The following TANK variants were observed in gnomAD, a reference collection of about 807,000 sequenced individuals.
TANK encodes TRAF family member associated NFKB activator, also known as TRAF family member-associated NF-kappa-B activator.
Under a neutral mutation model 43.6 loss-of-function variants are expected in TANK, and 15 were observed. The observed-to-expected ratio is 0.34, with a 90% CI of 0.23 to 0.53. The LOEUF (loss-of-function observed/expected upper bound fraction) is 0.53, where lower values mean the gene tolerates loss of function less well. TANK is among the 20% of genes least tolerant of loss of function. The pLI is 0.94. For synonymous variants in TANK, 162 were observed against 178.2 expected, an observed-to-expected ratio of 0.91 and a Z score of 0.73; for missense variants, 417 against 498.6, an observed-to-expected ratio of 0.84 and a Z score of 1.56.
intron 1 of TANK, among the ~76,000 whole-genome samples, chr2:161,155,207 G>T: frequency 6.6e-6 from 1 of 151,910 alleles, no homozygotes; most frequent in Non-Finnish European, 1.5e-5. Flanking sequence ...TTTACTTCCT[G>T]CCACCTCTCT....
intron 1 of TANK, among the ~76,000 whole-genome samples, chr2:161,177,853 T>A (rs569153488): frequency 6.6e-6 from 1 of 152,246 alleles, no homozygotes; most frequent in South Asian, 2.1e-4. Flanking sequence ...ACCCATTTAT[T>A]ACAAGTGGAC....
chr2:161,173,835 G>A (rs1382585184), intron 1 of TANK, among the ~76,000 whole-genome samples: 1 of 152,052 alleles, frequency 6.6e-6, no homozygotes, highest in Non-Finnish European at 1.5e-5. Context: ...ATACAGCTCA[G>A]TTCCTCCTTT....
rs1430777827 is a variant in TANK at position 161,180,118 on chromosome 2, G to A, written c.99+357G>A. The A allele has an allele frequency of 1.8e-5, 18 of 998,332 alleles. No individual in the cohort carries two copies. In the South Asian group the frequency reaches 7.9e-4, roughly 44 times the overall value. The allele number at this position is 998,332 out of a possible 1,614,324, so 61.8% of individuals were successfully genotyped here. ...CACTGTCTCCATTTGTTTGGTTTTG[G>A]TGTTTTTTATGTTGTTATTTGGCTG... On this transcript the variant is annotated intron_variant, in intron 2 of 7. Coordinates refer to ENST00000392749, the MANE Select transcript of TANK (RefSeq NM_001199135.3).
At chr2:161,139,203 C>G (rs1336930730) in intron 1 of TANK, among the ~76,000 whole-genome samples, 1 of 152,002 alleles carries the variant, frequency 6.6e-6, no homozygotes, top group Non-Finnish European at 1.5e-5. Flanking sequence ...ATTTCTGGAA[C>G]AGTGTTTAAT....
At chr2:161,147,626 G>A (rs920358948) in intron 1 of TANK, among the ~76,000 whole-genome samples, 4 of 152,146 alleles carry the variant, frequency 2.6e-5, no homozygotes, top group Non-Finnish European at 4.4e-5. Flanking sequence ...CTTCCTCTCC[G>A]AGGGTCACGC....
chr2:161,150,688 G>A (rs1326399594), intron 1 of TANK, among the ~76,000 whole-genome samples: 1 of 147,236 alleles, frequency 6.8e-6, no homozygotes, highest in East Asian at 2.0e-4. Context: ...CCAGGTTCAA[G>A]CGATTCTCCT....
At chr2:161,230,499 G>A (rs990409244) in intron 6 of TANK, among the ~76,000 whole-genome samples, 1 of 152,196 alleles carries the variant, frequency 6.6e-6, no homozygotes, top group African/African-American at 2.4e-5. Context: ...ATTATTGAGA[G>A]CAGACAGTGG....
At chr2:161,235,255 C>T (rs977919797) in intron 7 of TANK, 87 bp from the exon 8 acceptor site, 14 of 1,202,180 alleles carry the variant, frequency 1.2e-5, no homozygotes, top group African/African-American at 3.1e-5. Flanking sequence ...TATGCCCATG[C>T]GTAACTCATT....
intron 4 of TANK, among the ~76,000 whole-genome samples, chr2:161,210,054 AC>A (rs1686811477): frequency 6.6e-6 from 1 of 152,232 alleles, no homozygotes; most frequent in Non-Finnish European, 1.5e-5. Flanking sequence ...GAGTGCAGTT[AC>A]TGAAAGATGT....
intron 1 of TANK, among the ~76,000 whole-genome samples, chr2:161,144,163 T>C (rs1460370359): frequency 6.6e-6 from 1 of 152,196 alleles, no homozygotes. Context: ...TGATATTCCC[T>C]TTATCATTTT....
chr2:161,142,176 GT>G (rs35368193), intron 1 of TANK, among the ~76,000 whole-genome samples: 1 of 152,004 alleles, frequency 6.6e-6, no homozygotes, highest in African/African-American at 2.4e-5. Context: ...TGATGGGGTT[GT>G]TTTTTTCTTG....
chr2:161,207,289 A>G (rs1686695243), intron 4 of TANK: 5 of 567,998 alleles, frequency 8.8e-6, no homozygotes, highest in Non-Finnish European at 1.1e-5. Flanking sequence ...GCAGACGGTA[A>G]GAGGAAAAGC....
chr2:161,187,486 A>G (rs753442579), intron 2 of TANK, among the ~76,000 whole-genome samples: 2 of 152,152 alleles, frequency 1.3e-5, no homozygotes, highest in African/African-American at 2.4e-5. Flanking sequence ...GGGACATTAT[A>G]TAATGATAAT....
chr2:161,167,566 G>A (rs965074489), intron 1 of TANK, among the ~76,000 whole-genome samples: 2 of 152,152 alleles, frequency 1.3e-5, no homozygotes, highest in African/African-American at 4.8e-5. Flanking sequence ...CTTCCAGGTT[G>A]CCTTGGGGGG....
In TANK at chr2:161,235,610, A is replaced by G; in HGVS notation, c.*92A>G. The G allele has an allele frequency of 9.5e-7, 1 of 1,056,038 alleles. No homozygotes were observed. Among genetic ancestry groups the G allele is most frequent in the Non-Finnish European group, 1.3e-6 (1 of 776,224 alleles). 65.4% of individuals were successfully genotyped at this position (1,056,038 alleles called of 1,614,324 possible). A position where few individuals can be genotyped will look rare whatever the true frequency, so the allele number is the denominator to read the frequency against. ...TTGATTGTAAACTAAATTCAAGATC[A>G]TTTATAGGAAAATCTAGTTTCACAG... On this transcript the variant is annotated 3_prime_UTR_variant, in exon 8 of 8. Coordinates refer to ENST00000392749, the MANE Select transcript of TANK (RefSeq NM_001199135.3).
intron 4 of TANK, among the ~76,000 whole-genome samples, chr2:161,211,080 A>C (rs1419289532): frequency 6.6e-6 from 1 of 152,204 alleles, no homozygotes; most frequent in African/African-American, 2.4e-5. Context: ...CAGAGGAGAA[A>C]GTGCTTTCTA....
At chr2:161,188,555 C>G (rs2105315357) in intron 2 of TANK, among the ~76,000 whole-genome samples, 1 of 152,152 alleles carries the variant, frequency 6.6e-6, no homozygotes, top group Non-Finnish European at 1.5e-5. Context: ...CAACGAAAAG[C>G]CTAGGATGAG....
chr2:161,173,626 G>A (rs1685051319), intron 1 of TANK, among the ~76,000 whole-genome samples: 1 of 151,938 alleles, frequency 6.6e-6, no homozygotes, highest in Non-Finnish European at 1.5e-5. Context: ...CTGTGAAGAT[G>A]TGCCCAGACC....
chr2:161,219,300 A>C (rs1464135188), intron 4 of TANK, among the ~76,000 whole-genome samples: 1 of 152,204 alleles, frequency 6.6e-6, no homozygotes, highest in Non-Finnish European at 1.5e-5. Flanking sequence ...CAACCCAATA[A>C]AGAACTTGGA....
Sources: gnomAD v4.1 joint callset for allele counts (sites outside exome capture counted in the v4.1 genomes callset) on GRCh38, gnomAD v4.1.1 for gene constraint, MANE v1.5 for transcripts, NCBI Gene and HGNC (gene_info 2026-07-23, HGNC 2026-07-21) for gene names.